Variants in FSTL5 observed in about 807,000 individuals in gnomAD.
FSTL5 encodes the protein follistatin like 5.
FSTL5 carries 62 observed loss-of-function variants against 89.1 expected under a neutral mutation model. The ratio of observed to expected loss-of-function variants is 0.70; its 90% CI spans 0.57 to 0.86. FSTL5 has a LOEUF of 0.86. Among genes scored for constraint, FSTL5 ranks in the 40% least tolerant of loss-of-function variants. FSTL5 has a pLI of 0.00. For synonymous variants in FSTL5, 383 were observed against 346.2 expected (o/e 1.11, Z -1.18); for missense variants, 1,057 against 1,001.6 (o/e 1.06, Z -0.75).
chr4:161,964,492 C>G (rs188856667), intron 3 of FSTL5, among the ~76,000 whole-genome samples: 1 of 152,046 alleles, frequency 6.6e-6, no homozygotes, highest in East Asian at 1.9e-4. Flanking sequence ...GCAGAAATAA[C>G]AGGGATTAGT....
chr4:162,158,905 A>G (rs1245943427), intron 1 of FSTL5, among the ~76,000 whole-genome samples: 1 of 152,094 alleles, frequency 6.6e-6, no homozygotes, highest in African/African-American at 2.4e-5. Flanking sequence ...ACACTCCATT[A>G]TGAAGCAACA....
At chr4:161,615,458 A>G (rs1734828388) in intron 7 of FSTL5, among the ~76,000 whole-genome samples, 1 of 150,582 alleles carries the variant, frequency 6.6e-6, no homozygotes, top group African/African-American at 2.4e-5. Flanking sequence ...AAAAAAAAAA[A>G]AAAAAGAAAG....
chr4:161,820,334 C>G (rs148054325), intron 4 of FSTL5, among the ~76,000 whole-genome samples: 3 of 152,190 alleles, frequency 2.0e-5, no homozygotes, highest in African/African-American at 7.2e-5. Flanking sequence ...CCATTAAGAA[C>G]TTCCAGGGAA....
intron 6 of FSTL5, among the ~76,000 whole-genome samples, chr4:161,662,032 G>A (rs535862909): frequency 3.9e-5 from 6 of 152,128 alleles, no homozygotes; most frequent in East Asian, 1.9e-4. Flanking sequence ...ATTTTGAAGC[G>A]ATAACAGCAA....
At chr4:162,109,331 C>T (rs997975777) in intron 2 of FSTL5, among the ~76,000 whole-genome samples, 5 of 152,004 alleles carry the variant, frequency 3.3e-5, no homozygotes, top group African/African-American at 1.2e-4. Flanking sequence ...GATTCCTAGT[C>T]ATTCCTGTCA....
At chr4:161,476,052 G>T (rs1378472746) in intron 13 of FSTL5, among the ~76,000 whole-genome samples, 3 of 150,168 alleles carry the variant, frequency 2.0e-5, no homozygotes, top group East Asian at 3.9e-4. Context: ...TTCTTTAAAT[G>T]ACCATACTTT....
At chr4:161,636,003 T>TC (rs1735677816) in intron 7 of FSTL5, among the ~76,000 whole-genome samples, 1 of 151,916 alleles carries the variant, frequency 6.6e-6, no homozygotes, top group African/African-American at 2.4e-5. Flanking sequence ...GTGTTTTTGT[T>TC]CCCTTGTGTA....
At chr4:161,611,235 T>C (rs1442650442) in intron 7 of FSTL5, among the ~76,000 whole-genome samples, 3 of 11,106 alleles carry the variant, frequency 2.7e-4, no homozygotes, top group Non-Finnish European at 5.8e-4. Context: ...TGTATACATA[T>C]ATATATATAT....
At chr4:161,539,851 T>G (rs1731755905) in intron 9 of FSTL5, among the ~76,000 whole-genome samples, 1 of 152,028 alleles carries the variant, frequency 6.6e-6, no homozygotes, top group Admixed American at 6.6e-5. Context: ...GTATTTACAT[T>G]TGCTTCACCT....
At chr4:162,040,800 C>T (rs1737922300) in intron 2 of FSTL5, among the ~76,000 whole-genome samples, 1 of 151,594 alleles carries the variant, frequency 6.6e-6, no homozygotes, top group African/African-American at 2.4e-5. Context: ...TCTAAATCAG[C>T]ACCCCCATTA....
intron 2 of FSTL5, among the ~76,000 whole-genome samples, chr4:162,049,060 AAT>A (rs143345919): frequency 6.6e-6 from 1 of 151,936 alleles, no homozygotes. Context: ...ATCTCTGGGG[AAT>A]ATATATATAT....
chr4:161,537,416 A>C (rs1193178057), intron 10 of FSTL5, among the ~76,000 whole-genome samples: 1 of 152,172 alleles, frequency 6.6e-6, no homozygotes, highest in South Asian at 2.1e-4. Context: ...AGGGAATAAA[A>C]TGGCTGTTTG....
At chr4:161,840,998 T>TG (rs1210861802) in intron 4 of FSTL5, among the ~76,000 whole-genome samples, 1 of 152,190 alleles carries the variant, frequency 6.6e-6, no homozygotes, top group Non-Finnish European at 1.5e-5. Context: ...TACTGAATGT[T>TG]GGCTGCATCC....
intron 11 of FSTL5, among the ~76,000 whole-genome samples, chr4:161,509,754 T>C (rs1656339736): frequency 6.6e-6 from 1 of 152,200 alleles, no homozygotes; most frequent in South Asian, 2.1e-4. Context: ...CCACAATTGA[T>C]GGACTATTTA....
chr4:161,847,008 T>C (rs1731388732), intron 4 of FSTL5, among the ~76,000 whole-genome samples: 1 of 152,204 alleles, frequency 6.6e-6, no homozygotes, highest in South Asian at 2.1e-4. Flanking sequence ...TTTGCTGTTA[T>C]TTCAAGTAAG....
chr4:162,092,208 T>C (rs189474294), intron 2 of FSTL5, among the ~76,000 whole-genome samples: 3 of 152,270 alleles, frequency 2.0e-5, no homozygotes, highest in Admixed American at 2.0e-4. Context: ...TTTATTGAAA[T>C]GTACCAGGCA....
At chr4:161,701,288 T>C (rs934399381) in intron 6 of FSTL5, among the ~76,000 whole-genome samples, 7 of 152,174 alleles carry the variant, frequency 4.6e-5, no homozygotes, top group African/African-American at 1.7e-4. Flanking sequence ...TAATATGTAC[T>C]TTAAGAGATA....
chr4:161,617,621 G>A (rs6826184), intron 7 of FSTL5, among the ~76,000 whole-genome samples: 101,226 of 151,892 alleles, frequency 0.67, 34,010 homozygotes, highest in African/African-American at 0.74. Context: ...TAAAACAGCC[G>A]GAAGGAAATA....
intron 10 of FSTL5, among the ~76,000 whole-genome samples, chr4:161,526,406 T>C (rs981664807): frequency 6.6e-6 from 1 of 152,178 alleles, no homozygotes; most frequent in Non-Finnish European, 1.5e-5. Context: ...AGTATTACCA[T>C]ATGTATTAAA....
Sources: gnomAD v4.1 joint callset for allele counts (sites outside exome capture counted in the v4.1 genomes callset) on GRCh38, gnomAD v4.1.1 for gene constraint, MANE v1.5 for transcripts, NCBI Gene and HGNC (gene_info 2026-07-23, HGNC 2026-07-21) for gene names.